Variants in CCDC181 observed in about 807,000 individuals in gnomAD.
CCDC181 encodes the protein coiled-coil domain-containing protein 181.
CCDC181 carries 35 observed loss-of-function variants against 58.7 expected under a neutral mutation model. The observed-to-expected ratio is 0.60, with a 90% CI of 0.46 to 0.79. The LOEUF is 0.79. Ranked by LOEUF, CCDC181 falls within the 30% of genes least tolerant of loss-of-function variation. CCDC181 has a pLI of 0.00. For missense variants in CCDC181, 517 were observed against 583.9 expected, an observed-to-expected ratio of 0.89 and a Z score of 1.18; for synonymous variants, 183 against 197.5, an observed-to-expected ratio of 0.93 and a Z score of 0.62.
chr1:169,433,930 T>C (rs1036985661), intron 2 of CCDC181, among the ~76,000 whole-genome samples: 8 of 151,998 alleles, frequency 5.3e-5, no homozygotes, highest in Non-Finnish European at 1.0e-4. Flanking sequence ...GCACAAATAT[T>C]AAGTACTGTT....
At chr1:169,417,938 T>C (rs538052328) in intron 4 of CCDC181, among the ~76,000 whole-genome samples, 23 of 152,208 alleles carry the variant, frequency 1.5e-4, no homozygotes, top group Non-Finnish European at 2.9e-4. Context: ...CATGCTCATA[T>C]ACAAGCATGT....
At chr1:169,439,465 A>T (rs549895417) in intron 2 of CCDC181, among the ~76,000 whole-genome samples, 91 of 152,300 alleles carry the variant, frequency 6.0e-4, no homozygotes, top group African/African-American at 2.2e-3. Context: ...AACTTGTGAC[A>T]GGGGTGCAGC....
intron 4 of CCDC181, among the ~76,000 whole-genome samples, chr1:169,416,226 G>A (rs1656208121): frequency 6.6e-6 from 1 of 152,174 alleles, no homozygotes; most frequent in South Asian, 2.1e-4. Context: ...TTTGCTGGGG[G>A]TAGGGGGTTC....
chr1:169,406,143 C>A (rs1055996872), intron 4 of CCDC181, among the ~76,000 whole-genome samples: 5 of 152,066 alleles, frequency 3.3e-5, no homozygotes, highest in East Asian at 3.9e-4. Context: ...AAAGTCAGGA[C>A]ACAACAGGTG....
intron 2 of CCDC181, among the ~76,000 whole-genome samples, chr1:169,448,871 T>C (rs1657454525): frequency 6.6e-6 from 1 of 152,296 alleles, no homozygotes; most frequent in South Asian, 2.1e-4. Context: ...TTATCTGTTT[T>C]ATTTCAGTTA....
chr1:169,402,406 GA>G (rs1331464226), intron 4 of CCDC181, among the ~76,000 whole-genome samples: 2 of 152,176 alleles, frequency 1.3e-5, no homozygotes, highest in African/African-American at 4.8e-5. Flanking sequence ...CAGCCAGAGA[GA>G]AAGGTTGGGT....
chr1:169,416,442 C>T (rs866211520), intron 4 of CCDC181, among the ~76,000 whole-genome samples: 3 of 152,198 alleles, frequency 2.0e-5, no homozygotes, highest in South Asian at 2.1e-4. Flanking sequence ...CCCCGTCACT[C>T]CTATTATTTT....
intron 3 of CCDC181, 116 bp downstream of exon 3, chr1:169,421,243 GATAA>G (rs1656439353): frequency 1.4e-6 from 1 of 717,890 alleles, no homozygotes; most frequent in Non-Finnish European, 2.2e-6. Flanking sequence ...TCTAACAATA[GATAA>G]ATAAAGCAAT....
At chr1:169,456,022 C>G (rs1203394865) in intron 2 of CCDC181, among the ~76,000 whole-genome samples, 1 of 151,334 alleles carries the variant, frequency 6.6e-6, no homozygotes, top group Non-Finnish European at 1.5e-5. Flanking sequence ...AAGACTAGAC[C>G]CTCCTCAGTT....
chr1:169,416,101 G>A (rs928189091), intron 4 of CCDC181, among the ~76,000 whole-genome samples: 2 of 152,190 alleles, frequency 1.3e-5, no homozygotes, highest in East Asian at 1.9e-4. Context: ...GGGTTGGGAC[G>A]CTAGGCCCCA....
intron 4 of CCDC181, among the ~76,000 whole-genome samples, chr1:169,407,911 C>T (rs1655755628): frequency 6.6e-6 from 1 of 152,184 alleles, no homozygotes; most frequent in African/African-American, 2.4e-5. Context: ...AATACCACCC[C>T]TTTCCCAGGG....
At chr1:169,414,786 G>A (rs1474782377) in intron 4 of CCDC181, among the ~76,000 whole-genome samples, 2 of 152,074 alleles carry the variant, frequency 1.3e-5, no homozygotes, top group East Asian at 3.8e-4. Context: ...ATGTCCCACA[G>A]AAATAATCAA....
At chr1:169,457,583 C>T (rs1657710886) in intron 2 of CCDC181, among the ~76,000 whole-genome samples, 1 of 152,066 alleles carries the variant, frequency 6.6e-6, no homozygotes, top group Non-Finnish European at 1.5e-5. Flanking sequence ...TATATCATTT[C>T]ACTTAAAGAT....
intron 2 of CCDC181, among the ~76,000 whole-genome samples, chr1:169,439,244 A>G (rs1402901761): frequency 6.6e-6 from 1 of 151,496 alleles, no homozygotes; most frequent in East Asian, 1.9e-4. Flanking sequence ...TGCAGCTCCT[A>G]GGATACTCAC....
chr1:169,398,898 T>C (rs761236552), intron 4 of CCDC181, among the ~76,000 whole-genome samples: 5 of 152,074 alleles, frequency 3.3e-5, no homozygotes, highest in Non-Finnish European at 5.9e-5. Context: ...GGTATTTAAA[T>C]AGAAAGGGAG....
intron 2 of CCDC181, among the ~76,000 whole-genome samples, chr1:169,458,469 G>A (rs771476025): frequency 2.1e-4 from 32 of 151,982 alleles, no homozygotes; most frequent in Non-Finnish European, 1.5e-4. Context: ...TGATAAAAAG[G>A]CACACAGGGG....
chr1:169,440,963 C>G (rs566128182), intron 2 of CCDC181, among the ~76,000 whole-genome samples: 1 of 108,554 alleles, frequency 9.2e-6, no homozygotes, highest in Non-Finnish European at 1.9e-5. Context: ...TGAGGTATGG[C>G]GTAACATGAA....
chr1:169,437,930 G>A (rs555337715), intron 2 of CCDC181, among the ~76,000 whole-genome samples: 2 of 152,244 alleles, frequency 1.3e-5, no homozygotes, highest in South Asian at 4.2e-4. Context: ...CCTGTCCTCT[G>A]GAGACCAAAA....
chr1:169,428,266 G>C (rs1311425778), upstream of CCDC181, among the ~76,000 whole-genome samples: 2 of 152,156 alleles, frequency 1.3e-5, no homozygotes, highest in Non-Finnish European at 2.9e-5. Context: ...ATGTGGTGTA[G>C]TTGTAATGAC....
Sources: gnomAD v4.1 joint callset for allele counts (sites outside exome capture counted in the v4.1 genomes callset) on GRCh38, gnomAD v4.1.1 for gene constraint, MANE v1.5 for transcripts, NCBI Gene and HGNC (gene_info 2026-07-23, HGNC 2026-07-21) for gene names.